DGKI: variants seen among roughly 807,000 people sequenced by gnomAD.
DGKI encodes the protein DAG kinase iota.
DGKI carries 55 observed loss-of-function variants against 147.5 expected under a neutral mutation model. The observed-to-expected ratio is 0.37, with a 90% CI of 0.30 to 0.47. DGKI has a LOEUF of 0.47. Among genes scored for constraint, DGKI ranks in the 20% least tolerant of loss-of-function variants. The pLI is 1.00. For synonymous variants in DGKI, 469 were observed against 477.1 expected (o/e 0.98, Z 0.22); for missense variants, 1,007 against 1,323.8 (o/e 0.76, Z 3.71).
At chr7:137,736,468 G>T (rs1246352668) in intron 1 of DGKI, among the ~76,000 whole-genome samples, 2 of 152,090 alleles carry the variant, frequency 1.3e-5, no homozygotes, top group Non-Finnish European at 2.9e-5. Flanking sequence ...ATTAATAGCA[G>T]ACCTTACCTC....
chr7:137,536,838 T>C (rs1009843691), intron 20 of DGKI, among the ~76,000 whole-genome samples: 2 of 151,938 alleles, frequency 1.3e-5, no homozygotes, highest in Non-Finnish European at 2.9e-5. Flanking sequence ...TCACTAGACC[T>C]CTCAGAGTGG....
chr7:137,741,012 A>AT (rs74562984), intron 1 of DGKI, among the ~76,000 whole-genome samples: 49 of 150,854 alleles, frequency 3.2e-4, no homozygotes, highest in East Asian at 5.8e-4. Flanking sequence ...CTAAGTCTTA[A>AT]TTTTTTTTTT....
intron 21 of DGKI, among the ~76,000 whole-genome samples, chr7:137,515,171 T>G (rs1816708021): frequency 6.6e-6 from 1 of 152,212 alleles, no homozygotes; most frequent in East Asian, 1.9e-4. Flanking sequence ...CTTTTTGTTC[T>G]GGTCTCTCTT....
chr7:137,605,214 A>G (rs1442452141), intron 10 of DGKI, among the ~76,000 whole-genome samples: 2 of 151,898 alleles, frequency 1.3e-5, no homozygotes, highest in African/African-American at 2.4e-5. Flanking sequence ...AGGCTGAGCC[A>G]AGAGAATTGC....
intron 15 of DGKI, 144 bp from the exon 16 acceptor site, chr7:137,578,469 CCAGG>C (rs1032194652): frequency 1.5e-6 from 1 of 649,316 alleles, no homozygotes; most frequent in Non-Finnish European, 2.8e-6. Context: ...TCCCCCAGTT[CCAGG>C]CCAGTTAGTA....
chr7:137,704,579 GA>G (rs1404672616), intron 1 of DGKI, among the ~76,000 whole-genome samples: 2 of 152,118 alleles, frequency 1.3e-5, no homozygotes, highest in Non-Finnish European at 2.9e-5. Flanking sequence ...AAAAGGAAGA[GA>G]AAAGGGGGCA....
At chr7:137,528,120 C>T (rs1195798664) in intron 20 of DGKI, among the ~76,000 whole-genome samples, 1 of 152,150 alleles carries the variant, frequency 6.6e-6, no homozygotes, top group Non-Finnish European at 1.5e-5. Context: ...TGCTATAGCA[C>T]AGCTTGGCAT....
chr7:137,425,776 A>G (rs1812776672), intron 28 of DGKI, among the ~76,000 whole-genome samples: 1 of 152,234 alleles, frequency 6.6e-6, no homozygotes, highest in Admixed American at 6.5e-5. Flanking sequence ...AGCCGATGCG[A>G]TCAACTGGAA....
intron 3 of DGKI, among the ~76,000 whole-genome samples, chr7:137,668,479 G>A (rs1178108715): frequency 6.6e-6 from 1 of 152,190 alleles, no homozygotes; most frequent in African/African-American, 2.4e-5. Context: ...ACAGGTGTCT[G>A]TGTGTGTATG....
At chr7:137,604,700 T>A (rs550428481) in intron 10 of DGKI, among the ~76,000 whole-genome samples, 3 of 149,910 alleles carry the variant, frequency 2.0e-5, no homozygotes, top group Non-Finnish European at 2.9e-5. Context: ...GATAGAATCA[T>A]CCTAGAGGTC....
intron 1 of DGKI, among the ~76,000 whole-genome samples, chr7:137,751,777 T>A (rs146915933): frequency 6.6e-6 from 1 of 152,154 alleles, no homozygotes; most frequent in African/African-American, 2.4e-5. Flanking sequence ...ATAGACAATA[T>A]ATAAACAAGT....
chr7:137,505,528 GA>G (rs1368060799), intron 21 of DGKI, among the ~76,000 whole-genome samples: 2 of 152,082 alleles, frequency 1.3e-5, no homozygotes, highest in African/African-American at 4.8e-5. Flanking sequence ...AAGCAAATTA[GA>G]ATATTCACTT....
At chr7:137,479,700 C>T (rs1394787897) in intron 23 of DGKI, among the ~76,000 whole-genome samples, 2 of 152,008 alleles carry the variant, frequency 1.3e-5, no homozygotes, top group African/African-American at 2.4e-5. Flanking sequence ...TAAACAGAAA[C>T]AAAACAAAAG....
At position 137,557,797 on chromosome 7, in the gene DGKI, T is replaced by A. The variant is rs376945446; in HGVS notation, c.1948-5229A>T. 1.4e-4 allele frequency among the ~76,000 whole-genome samples: 22 copies of A among 152,234 alleles called. No individual in the cohort carries two copies. In the East Asian group the frequency reaches 4.3e-3, roughly 29 times the overall value. On this transcript the variant is annotated intron_variant, in intron 19 of 32. Coordinates refer to ENST00000614521, the MANE Select transcript of DGKI (RefSeq NM_001321708.2). The stretch of plus-strand genomic sequence containing the variant: ...CTGGAGCGATTCCCTTCTCCAGAGT[T>A]CTAGTTCTGCCGTATGACCCTCCCA...
chr7:137,637,619 C>G (rs1169983283), intron 6 of DGKI, among the ~76,000 whole-genome samples: 2 of 152,216 alleles, frequency 1.3e-5, no homozygotes, highest in Non-Finnish European at 2.9e-5. Context: ...TTGGATTAAT[C>G]CTGCCCTATA....
At chr7:137,806,005 G>A (rs1233634241) in intron 1 of DGKI, among the ~76,000 whole-genome samples, 1 of 152,158 alleles carries the variant, frequency 6.6e-6, no homozygotes, top group African/African-American at 2.4e-5. Context: ...TAAGAGCAAG[G>A]GGACAGGGTA....
chr7:137,607,876 T>C (rs554534820), intron 10 of DGKI, among the ~76,000 whole-genome samples: 2 of 152,354 alleles, frequency 1.3e-5, no homozygotes, highest in South Asian at 4.1e-4. Context: ...ATGGTTTCTT[T>C]GCTTACACAA....
intron 1 of DGKI, among the ~76,000 whole-genome samples, chr7:137,766,572 T>C (rs934165595): frequency 9.2e-5 from 14 of 152,116 alleles, no homozygotes; most frequent in African/African-American, 2.2e-4. Context: ...AGCTGAGGAA[T>C]TGGAGGAGGA....
intron 3 of DGKI, among the ~76,000 whole-genome samples, chr7:137,673,614 C>G (rs1822928583): frequency 6.6e-6 from 1 of 152,196 alleles, no homozygotes; most frequent in South Asian, 2.1e-4. Flanking sequence ...TTACTCAGTA[C>G]ATAAATGGAA....
Sources: gnomAD v4.1 joint callset for allele counts (sites outside exome capture counted in the v4.1 genomes callset) on GRCh38, gnomAD v4.1.1 for gene constraint, MANE v1.5 for transcripts, NCBI Gene and HGNC (gene_info 2026-07-23, HGNC 2026-07-21) for gene names.